CAMK2A: variants seen among roughly 807,000 people sequenced by gnomAD.
CAMK2A encodes calcium/calmodulin dependent protein kinase II alpha.
CAMK2A carries 7 observed loss-of-function variants against 79.2 expected under a neutral mutation model. That is an observed-to-expected ratio of 0.09 (90% CI 0.05 to 0.17). The LOEUF (loss-of-function observed/expected upper bound fraction) is 0.17, where lower values mean the gene tolerates loss of function less well. Among genes scored for constraint, CAMK2A ranks in the 10% least tolerant of loss-of-function variants. CAMK2A has a pLI of 1.00. For missense variants in CAMK2A, 214 were observed against 646.4 expected (o/e 0.33, Z 7.25); for synonymous variants, 242 against 251.7 (o/e 0.96, Z 0.36).
rs560778040 is a variant in CAMK2A, at chr5:150,237,967, C to G, written c.1066+733G>C. ...GGTCTTAGGCAGTGTTTCCCATACT[C>G]CAGCCACTGGAGCTTTCTGGATTTT... is the stretch of plus-strand genomic sequence containing the variant. On this transcript the variant is annotated intron_variant, in intron 15 of 18. Coordinates refer to ENST00000671881, the MANE Select transcript of CAMK2A (RefSeq NM_015981.4). Among the ~76,000 whole-genome samples, 3 of 152,314 alleles carry G rather than the reference C, an allele frequency of 2.0e-5. No individual in the cohort carries two copies. In the East Asian group the frequency reaches 5.8e-4, roughly 29 times the overall value.
chr5:150,223,400 G>A lies in CAMK2A; in HGVS notation c.1238-183C>T, dbSNP rs2114012241. On this transcript the variant is annotated intron_variant, in intron 17 of 18. Transcript: ENST00000671881. The surrounding 1 kb of genome is among the most constrained non-coding windows in gnomAD (Gnocchi z 4.1). ...ATCAAGGTAGAACTTCTAGATGATGGGGACATCACATCCTAGTTTAGATAC... is the reference window on the plus strand; with the variant it reads ...ATCAAGGTAGAACTTCTAGATGATGAGGACATCACATCCTAGTTTAGATAC... 6.6e-6 allele frequency among the ~76,000 whole-genome samples: 1 copy of A among 152,308 alleles called. No individual in the cohort carries two copies. Among genetic ancestry groups the A allele is most frequent in the East Asian group, 1.9e-4 (1 of 5,182 alleles).
Position 150,223,519 on chromosome 5 carries a change from T to C in CAMK2A, c.1238-302A>G, listed in dbSNP as rs563575135. Among the ~76,000 whole-genome samples, 5 of 152,250 alleles carry C rather than the reference T, an allele frequency of 3.3e-5. No homozygotes were observed. The highest frequency in any genetic ancestry group is 9.6e-5 in the African/African-American group (4 of 41,560). ...CACATGGAATAAGCCTAGAGGATCA[T>C]AGAACCAGAAGAGCTGTGAGCACAG... On this transcript the variant is annotated intron_variant, in intron 17 of 18. Coordinates refer to ENST00000671881, the MANE Select transcript of CAMK2A (RefSeq NM_015981.4). This position sits in a 1 kb window ranked among gnomAD's most constrained non-coding sequence, Gnocchi z 4.1.
intron 9 of CAMK2A, 39 bp from the exon 10 acceptor site, chr5:150,250,849 C>A: frequency 6.2e-7 from 1 of 1,604,716 alleles, no homozygotes; most frequent in South Asian, 1.1e-5. Context: ...CCAGCCTGCC[C>A]CAGGCCACCC....
chr5:150,238,641 T>C (rs1280390273), intron 15 of CAMK2A, 59 bp downstream of exon 15: 2 of 1,491,892 alleles, frequency 1.3e-6, no homozygotes, highest in South Asian at 1.2e-5. Flanking sequence ...GAAAAAGAGG[T>C]CTGCTCAGAG....
At chr5:150,270,644 A>C (rs1015554657) in intron 2 of CAMK2A, among the ~76,000 whole-genome samples, 1 of 151,452 alleles carries the variant, frequency 6.6e-6, no homozygotes, top group Non-Finnish European at 1.5e-5. Flanking sequence ...CTGCTAAAAG[A>C]AGCTTTTGCT....
chr5:150,274,472 G>A (rs534647438), intron 1 of CAMK2A, among the ~76,000 whole-genome samples: 3 of 152,298 alleles, frequency 2.0e-5, no homozygotes, highest in African/African-American at 7.2e-5. Context: ...CTGGAGTCTA[G>A]ATGCCATTTT....
intron 1 of CAMK2A, among the ~76,000 whole-genome samples, chr5:150,279,195 A>G (rs1757105858): frequency 6.6e-6 from 1 of 152,082 alleles, no homozygotes; most frequent in Admixed American, 6.5e-5. Context: ...CAGATGCTAC[A>G]GAGCACTTGA....
At chr5:150,258,104 A>G (rs1398921294) in intron 3 of CAMK2A, among the ~76,000 whole-genome samples, 2 of 152,198 alleles carry the variant, frequency 1.3e-5, no homozygotes, top group Non-Finnish European at 2.9e-5. Flanking sequence ...CTGAGCTAAT[A>G]TCCTGCTCTG....
At position 150,255,649 on chromosome 5, in the gene CAMK2A, C is replaced by A. The variant is rs200422182; in HGVS notation, c.411+924G>T. Among the ~76,000 whole-genome samples, 4 of 152,218 alleles carry A rather than the reference C, an allele frequency of 2.6e-5. No homozygotes were observed. The East Asian group carries it at 7.7e-4, about 29-fold the overall frequency. On this transcript the variant is annotated intron_variant, in intron 6 of 18. Coordinates refer to ENST00000671881, the MANE Select transcript of CAMK2A (RefSeq NM_015981.4). ...TCCCCAGTGGTGCAAGGGGCTACCC[C>A]ATGGGAAGTGAGTTTGCTGTCACTG...
At chr5:150,242,012 A>T (rs1755367603) in intron 13 of CAMK2A, among the ~76,000 whole-genome samples, 1 of 152,180 alleles carries the variant, frequency 6.6e-6, no homozygotes, top group Admixed American at 6.5e-5. Context: ...ACTGCATCAG[A>T]TTCGGACGCA....
At chr5:150,257,927 C>CTG (rs1265000803) in intron 3 of CAMK2A, among the ~76,000 whole-genome samples, 1 of 152,240 alleles carries the variant, frequency 6.6e-6, no homozygotes, top group Non-Finnish European at 1.5e-5. Flanking sequence ...CATGGAAAGC[C>CTG]TGTGACTCCA....
chr5:150,248,605 G>A (rs567547172), intron 11 of CAMK2A, among the ~76,000 whole-genome samples: 3 of 151,114 alleles, frequency 2.0e-5, no homozygotes, highest in Admixed American at 6.6e-5. Flanking sequence ...TTGTCCTTGC[G>A]ATAGTTTGCT....
chr5:150,270,222 G>A (rs1400188095), intron 2 of CAMK2A, among the ~76,000 whole-genome samples: 3 of 152,210 alleles, frequency 2.0e-5, no homozygotes, highest in African/African-American at 7.2e-5. Context: ...TAATGCAGGG[G>A]CTTGGGCCCC....
At chr5:150,288,626 A>G (rs894685991) in intron 1 of CAMK2A, among the ~76,000 whole-genome samples, 3 of 152,108 alleles carry the variant, frequency 2.0e-5, no homozygotes, top group African/African-American at 7.2e-5. Context: ...CTGCTGCCTC[A>G]GCAGAAACCA....
chr5:150,222,909 G>A, intron 18 of CAMK2A, 80 bp downstream of exon 18: 2 of 1,456,462 alleles, frequency 1.4e-6, no homozygotes, highest in Non-Finnish European at 1.9e-6. Flanking sequence ...GAAGGCAGCA[G>A]CTTCCCCGAC....
At chr5:150,264,196 AC>A (rs1487329509) in intron 3 of CAMK2A, among the ~76,000 whole-genome samples, 1 of 152,156 alleles carries the variant, frequency 6.6e-6, no homozygotes, top group East Asian at 1.9e-4. Context: ...ATCCAAGTCT[AC>A]CTTTTCACAA....
At chr5:150,238,539 T>C (rs1378484092) in intron 15 of CAMK2A, 161 bp downstream of exon 15, 1 of 726,916 alleles carries the variant, frequency 1.4e-6, no homozygotes, top group Non-Finnish European at 2.5e-6. Flanking sequence ...TCCATGGGAA[T>C]GATGCCTCCC....
chr5:150,274,082 A>G (rs1279417752), intron 1 of CAMK2A, among the ~76,000 whole-genome samples: 1 of 152,220 alleles, frequency 6.6e-6, no homozygotes, highest in African/African-American at 2.4e-5. Context: ...CCTTGTCAAC[A>G]CAGTGTATTA....
intron 1 of CAMK2A, among the ~76,000 whole-genome samples, chr5:150,282,639 C>T (rs548450223): frequency 1.5e-4 from 23 of 152,366 alleles, no homozygotes; most frequent in African/African-American, 5.0e-4. Context: ...CCATGGGCAA[C>T]GCCCTCACCC....
Sources: allele counts gnomAD v4.1 joint callset (sites outside exome capture counted in the v4.1 genomes callset), GRCh38; gene constraint gnomAD v4.1.1; non-coding constraint Gnocchi (gnomAD v3.1); transcripts MANE v1.5; gene names NCBI Gene and HGNC (gene_info 2026-07-23, HGNC 2026-07-21).